Variants in USP48 observed in about 807,000 individuals in gnomAD.
USP48 encodes ubiquitin carboxyl-terminal hydrolase 48.
Under a neutral mutation model 150.7 loss-of-function variants are expected in USP48, and 43 were observed. The observed-to-expected ratio is 0.29, with a 90% CI of 0.22 to 0.37. The LOEUF (loss-of-function observed/expected upper bound fraction) is 0.37, where lower values mean the gene tolerates loss of function less well. Among genes scored for constraint, USP48 ranks in the 10% least tolerant of loss-of-function variants. USP48 has a pLI of 1.00. For synonymous variants in USP48, 396 were observed against 425.9 expected (o/e 0.93, Z 0.86); for missense variants, 813 against 1,249.6 (o/e 0.65, Z 5.27).
chr1:21,747,041 T>C (rs1428015961), intron 8 of USP48, 26 bp downstream of exon 8: 1 of 1,527,728 alleles, frequency 6.5e-7, no homozygotes, highest in Non-Finnish European at 8.9e-7. Context: ...AGCATTATAA[T>C]GTTTACTCCT....
intron 5 of USP48, 113 bp from the exon 6 acceptor site, chr1:21,751,728 C>A: frequency 2.5e-6 from 2 of 790,672 alleles, no homozygotes; most frequent in Middle Eastern, 3.5e-4. Context: ...CATTAGTTCT[C>A]CTTCACAGAA....
At chr1:21,756,447 C>T in intron 3 of USP48, 99 bp downstream of exon 3, 3 of 1,386,828 alleles carry the variant, frequency 2.2e-6, no homozygotes, top group Non-Finnish European at 2.9e-6. Flanking sequence ...CGCCACTTCA[C>T]TCTGGCTTGG....
In USP48 at chr1:21,766,039, G is replaced by A. The variant is rs561735455; in HGVS notation, c.135-8256C>T. 2.0e-5 allele frequency among the ~76,000 whole-genome samples: 3 copies of A among 151,218 alleles called. No homozygotes were observed. The South Asian group carries it at 6.3e-4, about 32-fold the overall frequency. Reference sequence around the variant, plus strand: ...AAGATGCAACAGGCAAGAAAGGAAAGGAGAAATCTGGAATGATGCCCAAAA... The same window carrying A: ...AAGATGCAACAGGCAAGAAAGGAAAAGAGAAATCTGGAATGATGCCCAAAA... On this transcript the variant is annotated intron_variant, in intron 1 of 26. Coordinates refer to ENST00000308271, the MANE Select transcript of USP48 (RefSeq NM_032236.8).
In USP48 at chr1:21,782,983, G is replaced by C. The variant is rs1399961392; in HGVS notation, c.-26C>G. ...GGCCTTGGCCCCAGGAACGCCTCCC[G>C]AGCCAGACCGCCGCAGCCGCCGCCG... On this transcript the variant is annotated 5_prime_UTR_variant, in exon 1 of 27. Coordinates refer to ENST00000308271, the MANE Select transcript of USP48 (RefSeq NM_032236.8). 6.6e-7 allele frequency: 1 copy of C among 1,504,322 alleles called. No individual in the cohort carries two copies. Among genetic ancestry groups the C allele is most frequent in the Non-Finnish European group, 8.8e-7 (1 of 1,133,536 alleles). The allele number at this position is 1,504,322 out of a possible 1,614,324, so 93.2% of individuals were successfully genotyped here. A position where few individuals can be genotyped will look rare whatever the true frequency, so the allele number is the denominator to read the frequency against.
At chr1:21,687,599 C>A (rs1012791406) in intron 24 of USP48, among the ~76,000 whole-genome samples, 2 of 152,126 alleles carry the variant, frequency 1.3e-5, no homozygotes, top group African/African-American at 4.8e-5. Flanking sequence ...GTGAGGGGTA[C>A]AAATAAAAAG....
At chr1:21,711,566 C>T (rs576603726) in intron 15 of USP48, among the ~76,000 whole-genome samples, 4 of 152,238 alleles carry the variant, frequency 2.6e-5, no homozygotes, top group South Asian at 2.1e-4. Flanking sequence ...CTACAGCTTC[C>T]GAAGAGCGAC....
At position 21,756,699 on chromosome 1, in the gene USP48, A is replaced by T. The variant is rs766381950; in HGVS notation, c.259T>A (p.Ser87Thr). 7 of 1,613,220 alleles carry T rather than the reference A, an allele frequency of 4.3e-6. No homozygotes were observed. Among genetic ancestry groups the T allele is most frequent in the Non-Finnish European group, 1.7e-6 (2 of 1,179,778 alleles). Residue 87 changes from serine to threonine, a missense_variant, in exon 3 of 27, where the codon TCA becomes ACA. Coordinates refer to ENST00000308271, the MANE Select transcript of USP48 (RefSeq NM_032236.8). ...DPNCERRKKN[S>T]FVGLTNLGAT... ...CCAAGGTTAGTCAGGCCCACAAATG[A>T]GTTCTACAAAAATACAAAATTCATA...
intron 3 of USP48, among the ~76,000 whole-genome samples, chr1:21,754,870 C>G (rs868560318): frequency 3.5e-4 from 53 of 152,130 alleles, no homozygotes; most frequent in African/African-American, 1.2e-3. Context: ...TAGGGATTCC[C>G]AGGGAGGCAT....
At chr1:21,699,233 C>T (rs1473266818) in intron 22 of USP48, among the ~76,000 whole-genome samples, 1 of 127,172 alleles carries the variant, frequency 7.9e-6, no homozygotes, top group Non-Finnish European at 1.6e-5. Context: ...GAGTCTTGCT[C>T]TGCCGCCCAG....
At chr1:21,743,763 T>C (rs1327646732) in intron 8 of USP48, among the ~76,000 whole-genome samples, 1 of 152,184 alleles carries the variant, frequency 6.6e-6, no homozygotes, top group African/African-American at 2.4e-5. Context: ...GGAGTACACA[T>C]AATTCATAAT....
chr1:21,726,835 G>A (rs1243066075), intron 11 of USP48, among the ~76,000 whole-genome samples: 1 of 152,058 alleles, frequency 6.6e-6, no homozygotes, highest in East Asian at 1.9e-4. Flanking sequence ...AAATGAGGGA[G>A]AACTCTCCTA....
intron 8 of USP48, among the ~76,000 whole-genome samples, chr1:21,743,762 A>G (rs972374396): frequency 6.6e-5 from 10 of 152,212 alleles, no homozygotes; most frequent in Non-Finnish European, 7.3e-5. Flanking sequence ...GGGAGTACAC[A>G]TAATTCATAA....
At chr1:21,721,230 T>G (rs1165788287) in intron 13 of USP48, 64 bp from the exon 14 acceptor site, 2 of 1,581,298 alleles carry the variant, frequency 1.3e-6, no homozygotes, top group Non-Finnish European at 1.7e-6. Flanking sequence ...CTCCCTTCTT[T>G]GCCTGTAAAA....
intron 1 of USP48, among the ~76,000 whole-genome samples, chr1:21,762,076 G>A (rs2152619538): frequency 6.6e-6 from 1 of 152,278 alleles, no homozygotes; most frequent in Middle Eastern, 3.4e-3. Flanking sequence ...AGACCAGCCT[G>A]GCCAACATGG....
At chr1:21,719,667 A>C (rs1352663444) in intron 14 of USP48, among the ~76,000 whole-genome samples, 3 of 152,186 alleles carry the variant, frequency 2.0e-5, no homozygotes, top group Non-Finnish European at 4.4e-5. Flanking sequence ...CAGGAGTTCA[A>C]GACTAGCCTG....
chr1:21,690,070 A>G lies in USP48; in HGVS notation c.2913T>C (p.Phe971=), dbSNP rs2097592965. 3 of 1,614,114 alleles carry G rather than the reference A, an allele frequency of 1.9e-6. No homozygotes were observed. The East Asian group carries it at 6.7e-5, about 36-fold the overall frequency. The change falls in exon 24 of 27, where the codon TTT becomes TTC. Residue 971 remains phenylalanine, a synonymous_variant. Coordinates refer to ENST00000308271, the MANE Select transcript of USP48 (RefSeq NM_032236.8). ...QIMHAFSVAP[F]DQNLSIDGKI... is the part of the protein sequence containing the mutation. The stretch of plus-strand genomic sequence containing the variant: ...TTCCATCAATTGACAAATTCTGGTC[A>G]AAAGGAGCAACTGAAAATGCATGCA...
At chr1:21,747,416 T>C (rs1014001250) in intron 7 of USP48, among the ~76,000 whole-genome samples, 1 of 152,226 alleles carries the variant, frequency 6.6e-6, no homozygotes, top group Non-Finnish European at 1.5e-5. Flanking sequence ...TATCCTGCTT[T>C]ACAGAAGACA....
intron 2 of USP48, 166 bp downstream of exon 2, chr1:21,757,497 G>C: frequency 1.7e-6 from 1 of 577,984 alleles, no homozygotes; most frequent in South Asian, 3.5e-5. Context: ...ATATCATTAA[G>C]AAGTGTTCCA....
intron 8 of USP48, among the ~76,000 whole-genome samples, chr1:21,745,249 C>G (rs558523599): frequency 8.7e-4 from 132 of 152,058 alleles, no homozygotes; most frequent in Non-Finnish European, 1.6e-3. Context: ...TTGCTTTTAC[C>G]AGTCCTAACA....
Sources: gnomAD v4.1 joint callset for allele counts (sites outside exome capture counted in the v4.1 genomes callset) on GRCh38, gnomAD v4.1.1 for gene constraint, MANE v1.5 for transcripts, NCBI Gene and HGNC (gene_info 2026-07-23, HGNC 2026-07-21) for gene names.